Variants in KANK1 observed in about 807,000 individuals in gnomAD.
KANK1 encodes the protein KN motif and ankyrin repeat domains 1.
A neutral mutation model predicts 106.2 loss-of-function variants in KANK1; 109 were observed. That is an observed-to-expected ratio of 1.03 (90% CI 0.88 to 1.20). The LOEUF is 1.20. KANK1 is among the 50% of genes most tolerant of loss of function. The probability of loss-of-function intolerance (pLI) is 0.00; values close to 1 mark genes in which losing one functional copy is unlikely to be tolerated. For missense variants in KANK1, 2,399 were observed against 1,710.7 expected, an observed-to-expected ratio of 1.40 and a Z score of -7.10; for synonymous variants, 873 against 652.2, an observed-to-expected ratio of 1.34 and a Z score of -5.16.
chr9:614,428 C>T (rs1466663629), intron 1 of KANK1, among the ~76,000 whole-genome samples: 1 of 152,112 alleles, frequency 6.6e-6, no homozygotes, highest in Admixed American at 6.5e-5. Context: ...TTAAATCATA[C>T]TGGCATAAAG....
chr9:696,200 C>T (rs557464915), intron 2 of KANK1, among the ~76,000 whole-genome samples: 336 of 151,468 alleles, frequency 2.2e-3, no homozygotes, highest in Non-Finnish European at 3.7e-3. Flanking sequence ...AGGAGAATGG[C>T]GTGAACCCGG....
intron 1 of KANK1, among the ~76,000 whole-genome samples, chr9:571,002 CAT>C (rs548821852): frequency 7.2e-4 from 109 of 152,114 alleles, no homozygotes; most frequent in Middle Eastern, 3.4e-3. Context: ...GAGTTACAAA[CAT>C]ATATATTTTT....
Position 565,313 on chromosome 9 carries a change from A to C in KANK1, c.-84+60559A>C, listed in dbSNP as rs1587859250. On this transcript the variant is annotated intron_variant, in intron 1 of 11. Coordinates refer to ENST00000382297, the MANE Select transcript of KANK1 (RefSeq NM_015158.5). ...CCATAGTTCTTGCAATGGGAAAGTC[A>C]ACCCTAAAGAATGGTTTCATGTTTG... Among the ~76,000 whole-genome samples the C allele has an allele frequency of 1.3e-5, 2 of 152,344 alleles. 1 individual carries two copies. The highest frequency in any genetic ancestry group is 6.8e-3 in the Middle Eastern group (2 of 294).
intron 1 of KANK1, chr9:659,970 GAGGAAAAACAATCGTAT>G (rs1842941049): frequency 5.3e-6 from 1 of 187,556 alleles, no homozygotes; most frequent in East Asian, 1.3e-4. Flanking sequence ...CATTTCCACT[GAGGAAAAACAATCGTAT>G]GTCCACAGTC....
chr9:636,815 C>T lies in KANK1; in HGVS notation c.-83-40075C>T, dbSNP rs138286097. On this transcript the variant is annotated intron_variant, in intron 1 of 11. Coordinates refer to ENST00000382297, the MANE Select transcript of KANK1 (RefSeq NM_015158.5). ...CCGGGAGGTGGAGGTTGCAGTGAGC[C>T]GAGATTGCCATTGGACTCCAGCCAG... 6.9e-3 allele frequency among the ~76,000 whole-genome samples: 1,049 copies of T among 152,244 alleles called. 5 individuals are homozygous for T. Among genetic ancestry groups the T allele is most frequent in the Non-Finnish European group, 0.01 (706 of 68,020 alleles).
At chr9:485,289 A>G (rs748281372) in intron 3 of KANK1, among the ~76,000 whole-genome samples, 2 of 152,198 alleles carry the variant, frequency 1.3e-5, no homozygotes, top group East Asian at 1.9e-4. Flanking sequence ...TGATACAAGG[A>G]AACTGTTTTT....
At chr9:536,533 C>G (rs886968335) in intron 1 of KANK1, among the ~76,000 whole-genome samples, 5 of 152,176 alleles carry the variant, frequency 3.3e-5, no homozygotes, top group African/African-American at 1.2e-4. Flanking sequence ...TGACCCGTTT[C>G]TTCATCTTCA....
At chr9:740,984 C>T (rs2132204699) in intron 9 of KANK1, 50 bp downstream of exon 9, 1 of 1,602,580 alleles carries the variant, frequency 6.2e-7, no homozygotes, top group South Asian at 1.1e-5. Context: ...AACCAGCAGA[C>T]AGGACTGCGG....
At chr9:721,013 A>G (rs1829168097) in intron 3 of KANK1, among the ~76,000 whole-genome samples, 1 of 152,188 alleles carries the variant, frequency 6.6e-6, no homozygotes, top group Admixed American at 6.5e-5. Flanking sequence ...AGTGGATCTC[A>G]ATCCTGGCAG....
At chr9:699,958 A>C (rs1394348237) in intron 2 of KANK1, among the ~76,000 whole-genome samples, 2 of 152,140 alleles carry the variant, frequency 1.3e-5, no homozygotes, top group Non-Finnish European at 2.9e-5. Flanking sequence ...CTCCAGCCTG[A>C]GTGACAGAGC....
intron 1 of KANK1, among the ~76,000 whole-genome samples, chr9:657,285 T>C (rs1357827680): frequency 6.6e-6 from 1 of 152,224 alleles, no homozygotes; most frequent in Non-Finnish European, 1.5e-5. Context: ...AATGGACTTT[T>C]AGGTTGCTTC....
intron 2 of KANK1, among the ~76,000 whole-genome samples, chr9:689,080 T>A (rs1819242763): frequency 6.6e-6 from 1 of 152,162 alleles, no homozygotes; most frequent in Admixed American, 6.5e-5. Flanking sequence ...TAGTTCTGTG[T>A]CCCCCCAATT....
intron 1 of KANK1, among the ~76,000 whole-genome samples, chr9:668,659 C>A (rs536237878): frequency 1.3e-5 from 2 of 152,020 alleles, no homozygotes; most frequent in African/African-American, 4.8e-5. Context: ...ATTGTGGTTA[C>A]CATGAGGCTT....
At chr9:487,108 T>C (rs1005266653) in intron 3 of KANK1, among the ~76,000 whole-genome samples, 1 of 152,174 alleles carries the variant, frequency 6.6e-6, no homozygotes, top group African/African-American at 2.4e-5. Context: ...AGTGGATATA[T>C]ACAAGATGGT....
At chr9:488,708 CTG>C (rs755737495) in intron 3 of KANK1, among the ~76,000 whole-genome samples, 4 of 152,188 alleles carry the variant, frequency 2.6e-5, no homozygotes, top group Admixed American at 6.5e-5. Context: ...TCAATAATGA[CTG>C]TCACTTTGAT....
At chr9:542,230 G>C (rs1190001029) in intron 1 of KANK1, among the ~76,000 whole-genome samples, 1 of 152,042 alleles carries the variant, frequency 6.6e-6, no homozygotes, top group East Asian at 1.9e-4. Flanking sequence ...CAGATGCAGT[G>C]GCTCATGCCT....
At chr9:608,969 G>A (rs1374335367) in intron 1 of KANK1, among the ~76,000 whole-genome samples, 1 of 152,186 alleles carries the variant, frequency 6.6e-6, no homozygotes, top group African/African-American at 2.4e-5. Flanking sequence ...ACTCACGCTT[G>A]TTGTTAGCTT....
intron 1 of KANK1, among the ~76,000 whole-genome samples, chr9:627,950 C>CAA (rs57957168): frequency 1.1e-3 from 169 of 147,220 alleles, no homozygotes; most frequent in African/African-American, 3.9e-3. Flanking sequence ...AAAATTACAA[C>CAA]AAAAAAAAAA....
upstream of KANK1, among the ~76,000 whole-genome samples, chr9:502,904 T>C (rs2058585509): frequency 6.6e-6 from 1 of 152,020 alleles, no homozygotes; most frequent in South Asian, 2.1e-4. Context: ...GCTCAATCTC[T>C]GCTCACTGCC....
Sources: gnomAD v4.1 joint callset for allele counts (sites outside exome capture counted in the v4.1 genomes callset) on GRCh38, gnomAD v4.1.1 for gene constraint, MANE v1.5 for transcripts, NCBI Gene and HGNC (gene_info 2026-07-23, HGNC 2026-07-21) for gene names.